Variants in PTP4A1 observed in about 807,000 individuals in gnomAD.
The protein encoded by PTP4A1 is protein tyrosine phosphatase type IVA 1.
A neutral mutation model predicts 20.5 loss-of-function variants in PTP4A1; 9 were observed. The observed-to-expected ratio is 0.44, with a 90% CI of 0.26 to 0.77. The LOEUF (loss-of-function observed/expected upper bound fraction) is 0.77. Ranked by LOEUF, PTP4A1 falls within the 30% of genes least tolerant of loss-of-function variation. The pLI, the probability that PTP4A1 is intolerant of heterozygous loss-of-function variation, is 0.19. For missense variants in PTP4A1, 137 were observed against 218.8 expected, an observed-to-expected ratio of 0.63 and a Z score of 2.36; for synonymous variants, 78 against 67.4, an observed-to-expected ratio of 1.16 and a Z score of -0.77.
At chr6:63,525,833 T>C (rs532251862) in intron 1 of PTP4A1, among the ~76,000 whole-genome samples, 1 of 152,204 alleles carries the variant, frequency 6.6e-6, no homozygotes, top group Non-Finnish European at 1.5e-5. Flanking sequence ...CTTAAAATAG[T>C]TGGTGTGGTT....
intron 5 of PTP4A1, 149 bp from the exon 6 acceptor site, chr6:63,579,908 G>A: frequency 1.6e-6 from 1 of 635,924 alleles, no homozygotes; most frequent in Non-Finnish European, 2.8e-6. Context: ...ACACTGATGT[G>A]CCTGTTCATA....
chr6:63,537,418 A>G (rs182489804), intron 2 of PTP4A1, among the ~76,000 whole-genome samples: 93 of 152,296 alleles, frequency 6.1e-4, no homozygotes, highest in Non-Finnish European at 1.2e-3. Context: ...TTCAACACCA[A>G]TGCCCAGGCC....
At chr6:63,539,826 G>A (rs1428593110) in intron 2 of PTP4A1, among the ~76,000 whole-genome samples, 1 of 151,606 alleles carries the variant, frequency 6.6e-6, no homozygotes, top group Non-Finnish European at 1.5e-5. Flanking sequence ...AAACTCAAAA[G>A]TTCAGCAAAT....
intron 5 of PTP4A1, 60 bp from the exon 6 acceptor site, chr6:63,579,997 A>AG: frequency 7.9e-7 from 1 of 1,259,396 alleles, no homozygotes; most frequent in Non-Finnish European, 1.1e-6. Context: ...TCTATAAGAC[A>AG]CTAAATATTA....
chr6:63,573,112 C>G (rs948488140), intron 1 of PTP4A1: 2 of 165,970 alleles, frequency 1.2e-5, no homozygotes, highest in African/African-American at 4.8e-5. Flanking sequence ...GCCCTTTGGT[C>G]TGGCGCGACC....
chr6:63,549,753 A>C (rs1382509366), intron 2 of PTP4A1, among the ~76,000 whole-genome samples: 1 of 152,172 alleles, frequency 6.6e-6, no homozygotes, highest in Non-Finnish European at 1.5e-5. Context: ...GAAGCTAAAA[A>C]AAAAAGTTGA....
chr6:63,526,321 C>T (rs1042986613), intron 1 of PTP4A1, among the ~76,000 whole-genome samples: 1 of 151,334 alleles, frequency 6.6e-6, no homozygotes, highest in Admixed American at 6.6e-5. Flanking sequence ...CAAGACTCCA[C>T]CTCAAAATAA....
chr6:63,539,619 A>C (rs1775867828), intron 2 of PTP4A1, among the ~76,000 whole-genome samples: 1 of 152,108 alleles, frequency 6.6e-6, no homozygotes, highest in African/African-American at 2.4e-5. Context: ...CTACTAAAAT[A>C]CAAAAAATAT....
At chr6:63,556,898 C>T (rs918106711) in intron 3 of PTP4A1, among the ~76,000 whole-genome samples, 7 of 152,324 alleles carry the variant, frequency 4.6e-5, no homozygotes, top group Middle Eastern at 3.4e-3. Context: ...TTATCATCAT[C>T]ACTTCTTGAT....
intron 3 of PTP4A1, among the ~76,000 whole-genome samples, chr6:63,560,169 C>A (rs1224396039): frequency 1.3e-5 from 2 of 151,814 alleles, no homozygotes; most frequent in African/African-American, 4.8e-5. Context: ...GAAACCCCGT[C>A]TCTACTAAAA....
intron 3 of PTP4A1, among the ~76,000 whole-genome samples, chr6:63,562,206 T>C (rs1050300906): frequency 1.3e-5 from 2 of 151,344 alleles, no homozygotes; most frequent in Non-Finnish European, 2.9e-5. Flanking sequence ...TTTTTCTTTT[T>C]TTTTTTTTTT....
intron 2 of PTP4A1, among the ~76,000 whole-genome samples, chr6:63,540,167 G>A (rs568240144): frequency 6.6e-6 from 1 of 152,194 alleles, no homozygotes; most frequent in Admixed American, 6.5e-5. Flanking sequence ...AATCTGGTGT[G>A]CATGGTTGGA....
rs753422347 is a variant in PTP4A1 at position 63,557,483 on chromosome 6, C to CAT, written c.-446+7003_-446+7004dup. On this transcript the variant is annotated intron_variant, in intron 3 of 3. Coordinates refer to the PTP4A1 transcript ENST00000639568. ...GGAGGCTGAGGCATGAGAACTGCTC[C>CAT]ATATATATATATATGGAGGTTGCAG... Among the ~76,000 whole-genome samples, 591 of 150,236 alleles carry CAT rather than the reference C, an allele frequency of 3.9e-3. 4 individuals are homozygous for CAT. Among genetic ancestry groups the CAT allele is most frequent in the African/African-American group, 0.011 (467 of 41,162 alleles).
chr6:63,521,032 A>G (rs963377109), upstream of PTP4A1, among the ~76,000 whole-genome samples: 4 of 152,120 alleles, frequency 2.6e-5, no homozygotes, highest in South Asian at 2.1e-4. Flanking sequence ...GAGTTGAACA[A>G]TGAGAACACA....
At position 63,578,420 on chromosome 6, in the gene PTP4A1, A is replaced by C; in HGVS notation, c.106-17A>C. Reference sequence around the variant, plus strand: ...GTGGTTAAACATTAAGATTTTTTTAATGTACGTTTTATCCAGGAACTTAAG... The same window carrying C: ...GTGGTTAAACATTAAGATTTTTTTACTGTACGTTTTATCCAGGAACTTAAG... On this transcript the variant is annotated splice_polypyrimidine_tract_variant and intron_variant, in intron 2 of 5. Transcript: ENST00000626021. The C allele has an allele frequency of 6.3e-7, 1 of 1,595,750 alleles. No homozygotes were observed. The highest frequency in any genetic ancestry group is 8.5e-7 in the Non-Finnish European group (1 of 1,175,166).
In PTP4A1 at chr6:63,576,830, A is replaced by G. The variant is rs758348249; in HGVS notation, c.-51A>G. 13 of 1,457,668 alleles carry G rather than the reference A, an allele frequency of 8.9e-6. No homozygotes were observed. Among genetic ancestry groups the G allele is most frequent in the East Asian group, 4.5e-5 (2 of 43,984 alleles). The allele number at this position is 1,457,668 out of a possible 1,614,324, so 90.3% of individuals were successfully genotyped here. ...TTTCTTTGCATCATTTCTGTATTCA[A>G]TTTTTTTAATTATTTCATAACCCTA... is the stretch of plus-strand genomic sequence containing the variant. On this transcript the variant is annotated 5_prime_UTR_variant, in exon 2 of 6. Transcript: ENST00000626021.
At chr6:63,569,922 A>G (rs1002005023), upstream of PTP4A1, among the ~76,000 whole-genome samples, 8 of 152,216 alleles carry the variant, frequency 5.3e-5, no homozygotes, top group Admixed American at 2.0e-4. Context: ...CTCCTGACCA[A>G]TGCTGGGATG....
intron 2 of PTP4A1, chr6:63,528,139 T>C (rs978443840): frequency 6.6e-6 from 1 of 152,204 alleles, no homozygotes; most frequent in Non-Finnish European, 1.5e-5. Flanking sequence ...CATAGAGTGG[T>C]TGCTGGGTAA....
At chr6:63,579,960 A>G (rs1260406939) in intron 5 of PTP4A1, 97 bp from the exon 6 acceptor site, 2 of 834,238 alleles carry the variant, frequency 2.4e-6, no homozygotes, top group Non-Finnish European at 3.9e-6. Context: ...ATCAAAAGAT[A>G]AATTGCCACA....
Sources: gnomAD v4.1 joint callset for allele counts (sites outside exome capture counted in the v4.1 genomes callset) on GRCh38, gnomAD v4.1.1 for gene constraint, MANE v1.5 for transcripts, NCBI Gene and HGNC (gene_info 2026-07-23, HGNC 2026-07-21) for gene names.